Variants in VMP1 observed in about 807,000 individuals in gnomAD.
VMP1 encodes the protein ectopic P-granules autophagy protein 3 homolog.
A neutral mutation model predicts 56.0 loss-of-function variants in VMP1; 11 were observed. That is an observed-to-expected ratio of 0.20 (90% CI 0.12 to 0.32). The LOEUF is 0.32. Ranked by LOEUF, VMP1 falls within the 10% of genes least tolerant of loss-of-function variation. The pLI is 1.00. For missense variants in VMP1, 296 were observed against 490.3 expected (o/e 0.60, Z 3.74); for synonymous variants, 149 against 165.0 (o/e 0.90, Z 0.74).
chr17:59,834,110 C>G (rs1411991847), intron 10 of VMP1: 1 of 151,952 alleles, frequency 6.6e-6, no homozygotes, highest in East Asian at 1.9e-4. Flanking sequence ...CGCCCGCCAC[C>G]AAACCTGGCT....
At chr17:59,801,856 C>T (rs2037679010) in intron 7 of VMP1, among the ~76,000 whole-genome samples, 2 of 151,982 alleles carry the variant, frequency 1.3e-5, no homozygotes, top group Admixed American at 6.6e-5. Flanking sequence ...GCACTCTAGC[C>T]TGGGTAACAG....
intron 7 of VMP1, among the ~76,000 whole-genome samples, chr17:59,784,142 T>TGTGTGTGTGAGAGA (rs556387089): frequency 7.7e-6 from 1 of 130,376 alleles, no homozygotes; most frequent in African/African-American, 3.0e-5. Context: ...TGTGTGTGTG[T>TGTGTGTGTGAGAGA]GAGAGAGAGA....
intron 10 of VMP1, among the ~76,000 whole-genome samples, chr17:59,829,713 T>A: frequency 6.6e-6 from 1 of 152,158 alleles, no homozygotes; most frequent in East Asian, 1.9e-4. Flanking sequence ...TGCTAGGCTG[T>A]CTTGTTGCTG....
At chr17:59,771,199 G>T (rs1016181799) in intron 6 of VMP1, among the ~76,000 whole-genome samples, 1 of 150,954 alleles carries the variant, frequency 6.6e-6, no homozygotes, top group Admixed American at 6.6e-5. Flanking sequence ...CTGGAGACAG[G>T]GTCTCACTCT....
intron 9 of VMP1, among the ~76,000 whole-genome samples, chr17:59,815,301 C>T (rs901803136): frequency 2.6e-5 from 4 of 151,974 alleles, no homozygotes; most frequent in Non-Finnish European, 5.9e-5. Flanking sequence ...AGAGACATTA[C>T]CTTTGTCCCA....
At chr17:59,784,142 T>TGTGTGTGAGAGAGA (rs556387089) in intron 7 of VMP1, among the ~76,000 whole-genome samples, 39 of 130,460 alleles carry the variant, frequency 3.0e-4, no homozygotes, top group African/African-American at 1.1e-3. Flanking sequence ...TGTGTGTGTG[T>TGTGTGTGAGAGAGA]GAGAGAGAGA....
chr17:59,820,444 G>A (rs908065547), intron 10 of VMP1, among the ~76,000 whole-genome samples: 3 of 152,124 alleles, frequency 2.0e-5, no homozygotes, highest in African/African-American at 4.8e-5. Flanking sequence ...AATCACAAAT[G>A]TCTCAGACAT....
chr17:59,724,414 C>T (rs1030149341), intron 1 of VMP1, among the ~76,000 whole-genome samples: 2 of 151,416 alleles, frequency 1.3e-5, no homozygotes, highest in African/African-American at 4.9e-5. Flanking sequence ...GGCACAGTGT[C>T]TCAAGCCTGT....
chr17:59,798,321 G>A (rs886549191), intron 7 of VMP1, among the ~76,000 whole-genome samples: 1 of 152,132 alleles, frequency 6.6e-6, no homozygotes, highest in African/African-American at 2.4e-5. Context: ...TATTTCCTGT[G>A]TGTATACATG....
intron 5 of VMP1, among the ~76,000 whole-genome samples, chr17:59,764,450 A>G (rs568522614): frequency 1.3e-5 from 2 of 152,282 alleles, no homozygotes; most frequent in African/African-American, 4.8e-5. Context: ...CTACCTCCTG[A>G]GTAGCTGGGA....
At chr17:59,737,630 T>C in intron 4 of VMP1, 87 bp downstream of exon 4, 1 of 1,172,614 alleles carries the variant, frequency 8.5e-7, no homozygotes, top group Non-Finnish European at 1.2e-6. Context: ...GTGGGTTTTA[T>C]AGAATTTCTA....
chr17:59,762,258 T>G (rs976108656), intron 5 of VMP1, among the ~76,000 whole-genome samples: 20 of 152,286 alleles, frequency 1.3e-4, no homozygotes, highest in African/African-American at 4.8e-4. Flanking sequence ...GCTCAGTAAA[T>G]ATATAAATTT....
chr17:59,761,394 A>T (rs900270628), intron 5 of VMP1, among the ~76,000 whole-genome samples: 3 of 152,194 alleles, frequency 2.0e-5, no homozygotes, highest in Non-Finnish European at 4.4e-5. Flanking sequence ...TGAATGCTAG[A>T]TATGTAGTAT....
intron 10 of VMP1, among the ~76,000 whole-genome samples, chr17:59,835,600 C>T (rs1479411463): frequency 6.6e-6 from 1 of 150,992 alleles, no homozygotes; most frequent in Non-Finnish European, 1.5e-5. Context: ...AAGCGATTCT[C>T]CTGCCTCAGC....
chr17:59,777,563 G>A (rs2036664089), intron 7 of VMP1, among the ~76,000 whole-genome samples: 1 of 151,862 alleles, frequency 6.6e-6, no homozygotes, highest in Admixed American at 6.6e-5. Context: ...TGTAATCCCA[G>A]CACTTTGGGA....
Position 59,826,107 on chromosome 17 carries a change from C to G in VMP1, c.974+8334C>G, listed in dbSNP as rs182160332. On this transcript the variant is annotated intron_variant, in intron 10 of 11. Coordinates refer to ENST00000262291, the MANE Select transcript of VMP1 (RefSeq NM_030938.5). ...AAGGCTTAACACAGGGTTTAAACCC[C>G]AGCTGCCGAGACTCAGTTATACAGT... 7.1e-4 allele frequency among the ~76,000 whole-genome samples: 108 copies of G among 152,318 alleles called. 2 individuals are homozygous for G. Among genetic ancestry groups the G allele is most frequent in the Admixed American group, 6.8e-3 (104 of 15,302 alleles).
At chr17:59,823,518 G>C (rs966079414) in intron 10 of VMP1, among the ~76,000 whole-genome samples, 1 of 151,704 alleles carries the variant, frequency 6.6e-6, no homozygotes, top group African/African-American at 2.4e-5. Flanking sequence ...GGGAGGCTGA[G>C]GTGGGCGGAT....
chr17:59,841,236 C>A lies in VMP1; in HGVS notation c.*1325C>A. The A allele has an allele frequency of 2.1e-6, 1 of 471,318 alleles. No individual in the cohort carries two copies. The highest frequency in any genetic ancestry group is 4.6e-6 in the Non-Finnish European group (1 of 215,404). 29.2% of individuals were successfully genotyped at this position (471,318 alleles called of 1,614,324 possible). On this transcript the variant is annotated 3_prime_UTR_variant, in exon 12 of 12. Coordinates refer to ENST00000262291, the MANE Select transcript of VMP1 (RefSeq NM_030938.5). ...CTGACTGTCTGCTTGTTTTGCCTAC[C>A]ATCGTGACATCTCCATGGCTGTACC...
intron 1 of VMP1, among the ~76,000 whole-genome samples, chr17:59,718,628 C>G (rs993479306): frequency 6.6e-6 from 1 of 152,124 alleles, no homozygotes; most frequent in Non-Finnish European, 1.5e-5. Context: ...CTCAGCCTCC[C>G]AAGTAGCTGG....
Sources: gnomAD v4.1 joint callset for allele counts (sites outside exome capture counted in the v4.1 genomes callset) on GRCh38, gnomAD v4.1.1 for gene constraint, MANE v1.5 for transcripts, NCBI Gene and HGNC (gene_info 2026-07-23, HGNC 2026-07-21) for gene names.